SAMMSON: variants seen among roughly 807,000 people sequenced by gnomAD.
The protein encoded by SAMMSON is long intergenic non-protein coding RNA 1212.
intron 2 of SAMMSON, among the ~76,000 whole-genome samples, chr3:70,433,728 C>G (rs1327655838): frequency 6.6e-6 from 1 of 151,960 alleles, no homozygotes; most frequent in Non-Finnish European, 1.5e-5. Flanking sequence ...AATCAACAAA[C>G]CCAAGGTCAC....
rs2067444540 is a variant in SAMMSON at position 70,123,764 on chromosome 3, G to A, written n.507+52199G>A. Among the ~76,000 whole-genome samples, 5 of 152,230 alleles carry A rather than the reference G, an allele frequency of 3.3e-5. No individual in the cohort carries two copies. In the South Asian group the frequency reaches 1.0e-3, roughly 32 times the overall value. On this transcript the variant is annotated intron_variant and non_coding_transcript_variant, in intron 4 of 9. Coordinates refer to ENST00000642114, the Ensembl canonical transcript of SAMMSON. ...GGTGCCTTCAAGTTTGTAGGGAGGA[G>A]CAGATCCCCTCTCAGAGATGTGCAG...
chr3:70,249,913 G>A (rs896915666), intron 6 of SAMMSON, among the ~76,000 whole-genome samples: 3 of 151,998 alleles, frequency 2.0e-5, no homozygotes, highest in Admixed American at 6.6e-5. Context: ...GAATTTTCTG[G>A]CAAAAAAGGA....
At chr3:70,239,767 T>C (rs900513528) in intron 4 of SAMMSON, among the ~76,000 whole-genome samples, 4 of 152,138 alleles carry the variant, frequency 2.6e-5, no homozygotes, top group Admixed American at 6.6e-5. Flanking sequence ...TATCGCCCTA[T>C]GTTATGATTA....
At chr3:70,078,014 C>A (rs1013064127) in intron 4 of SAMMSON, among the ~76,000 whole-genome samples, 6 of 152,262 alleles carry the variant, frequency 3.9e-5, no homozygotes, top group African/African-American at 1.2e-4. Context: ...GCAATACTTC[C>A]GTGCATTTCA....
chr3:70,187,476 C>T lies in SAMMSON; in HGVS notation n.508-61631C>T, dbSNP rs188677423. On this transcript the variant is annotated intron_variant and non_coding_transcript_variant, in intron 4 of 9. Coordinates refer to ENST00000642114, the Ensembl canonical transcript of SAMMSON. ...TTTTTGAGACGGAGTTTCGCTCTGT[C>T]GCCCAGGCTGGAGTGCAGTGGCGCG... is the stretch of plus-strand genomic sequence containing the variant. Among the ~76,000 whole-genome samples the T allele has an allele frequency of 4.2e-5, 5 of 119,294 alleles. No homozygotes were observed. In the Admixed American group the frequency reaches 4.6e-4, roughly 11 times the overall value. 78.3% of individuals were successfully genotyped at this position (119,294 alleles called of 152,430 possible).
intron 3 of SAMMSON, among the ~76,000 whole-genome samples, chr3:70,066,770 G>T (rs1281105951): frequency 6.6e-6 from 1 of 152,090 alleles, no homozygotes; most frequent in Non-Finnish European, 1.5e-5. Flanking sequence ...CTCCAACATT[G>T]AAGAAACAGC....
Position 70,114,550 on chromosome 3 carries a change from G to A in SAMMSON, n.507+42985G>A, listed in dbSNP as rs2067402350. 1.3e-5 allele frequency among the ~76,000 whole-genome samples: 2 copies of A among 152,320 alleles called. 1 individual carries two copies. The highest frequency in any genetic ancestry group is 4.1e-4 in the South Asian group (2 of 4,828). ...CAGGAGACTCATTTATGCTAAAGTA[G>A]GGTAGAAATCATTTAGTTTTACACA... On this transcript the variant is annotated intron_variant and non_coding_transcript_variant, in intron 4 of 9. Coordinates refer to ENST00000642114, the Ensembl canonical transcript of SAMMSON.
At chr3:70,267,724 C>T (rs771427328) in intron 6 of SAMMSON, among the ~76,000 whole-genome samples, 3 of 151,928 alleles carry the variant, frequency 2.0e-5, no homozygotes, top group African/African-American at 4.8e-5. Context: ...CCTAAAATAG[C>T]ATTTTTTAAT....
At chr3:70,046,557 T>G (rs934160770) in intron 3 of SAMMSON, among the ~76,000 whole-genome samples, 2 of 152,176 alleles carry the variant, frequency 1.3e-5, no homozygotes, top group African/African-American at 4.8e-5. Context: ...ATACTTACCT[T>G]GAAATACTTT....
At chr3:70,160,756 G>A (rs529488072) in intron 4 of SAMMSON, among the ~76,000 whole-genome samples, 1 of 152,018 alleles carries the variant, frequency 6.6e-6, no homozygotes, top group Non-Finnish European at 1.5e-5. Context: ...AATTTGAAAA[G>A]TACTGCATTG....
chr3:70,125,603 TCTC>T (rs1160952614), intron 4 of SAMMSON: 4 of 699,724 alleles, frequency 5.7e-6, no homozygotes, highest in African/African-American at 5.3e-5. Flanking sequence ...TTTTGTTTCT[TCTC>T]TAAATCTTTC....
chr3:70,101,950 T>C (rs1391669321), intron 4 of SAMMSON, among the ~76,000 whole-genome samples: 1 of 152,218 alleles, frequency 6.6e-6, no homozygotes, highest in African/African-American at 2.4e-5. Context: ...GAAGGTTTGG[T>C]AGTGTTCCAA....
At chr3:70,064,950 T>G (rs2067203753) in intron 3 of SAMMSON, among the ~76,000 whole-genome samples, 1 of 152,098 alleles carries the variant, frequency 6.6e-6, no homozygotes, top group Non-Finnish European at 1.5e-5. Flanking sequence ...ACTGACATAA[T>G]CTTCTCATTA....
At chr3:70,098,205 A>G (rs2067329632) in intron 4 of SAMMSON, among the ~76,000 whole-genome samples, 1 of 152,166 alleles carries the variant, frequency 6.6e-6, no homozygotes, top group Non-Finnish European at 1.5e-5. Context: ...TAAAGTCAGC[A>G]TCTTGTCCAA....
chr3:70,060,814 A>G (rs1235284671), intron 3 of SAMMSON, among the ~76,000 whole-genome samples: 1 of 152,170 alleles, frequency 6.6e-6, no homozygotes, highest in Non-Finnish European at 1.5e-5. Flanking sequence ...TGAGCAGTCC[A>G]TATTAGCAAA....
At chr3:70,223,309 T>C (rs1409392869) in intron 4 of SAMMSON, among the ~76,000 whole-genome samples, 1 of 152,144 alleles carries the variant, frequency 6.6e-6, no homozygotes, top group Non-Finnish European at 1.5e-5. Context: ...ACTCACTTTT[T>C]TTTCTGACTC....
intron 2 of SAMMSON, among the ~76,000 whole-genome samples, chr3:70,415,227 A>T (rs1701254528): frequency 6.6e-6 from 1 of 152,158 alleles, no homozygotes; most frequent in Non-Finnish European, 1.5e-5. Context: ...TTAGACTGGG[A>T]TGAGGACTCA....
At chr3:70,004,052 G>T (rs1426978262) in intron 1 of SAMMSON, among the ~76,000 whole-genome samples, 2 of 151,880 alleles carry the variant, frequency 1.3e-5, no homozygotes, top group Non-Finnish European at 2.9e-5. Flanking sequence ...TGCAGGAGAG[G>T]AGGAGAGGCT....
At chr3:70,396,645 A>G (rs1037359395) in intron 2 of SAMMSON, among the ~76,000 whole-genome samples, 3 of 152,226 alleles carry the variant, frequency 2.0e-5, no homozygotes, top group Non-Finnish European at 2.9e-5. Flanking sequence ...ATGATTCTAG[A>G]GTGTAGAAAG....
Sources: allele counts gnomAD v4.1 joint callset (sites outside exome capture counted in the v4.1 genomes callset), GRCh38; gene constraint gnomAD v4.1.1; transcripts MANE v1.5; gene names NCBI Gene and HGNC (gene_info 2026-07-23, HGNC 2026-07-21).